NRG3: variants seen among roughly 807,000 people sequenced by gnomAD.
NRG3 encodes the protein neuregulin 3.
In NRG3, 31 loss-of-function variants were observed where a neutral mutation model predicts 66.9. That is an observed-to-expected ratio of 0.46 (90% CI 0.35 to 0.63). NRG3 has a LOEUF of 0.63. Among genes scored for constraint, NRG3 ranks in the 20% least tolerant of loss-of-function variants. The pLI is 0.00. For missense variants in NRG3, 910 were observed against 878.9 expected (o/e 1.04, Z -0.45); for synonymous variants, 393 against 359.4 (o/e 1.09, Z -1.06).
At chr10:82,822,652 G>T (rs1252776375) in intron 3 of NRG3, among the ~76,000 whole-genome samples, 1 of 152,118 alleles carries the variant, frequency 6.6e-6, no homozygotes, top group African/African-American at 2.4e-5. Context: ...GATGTTTAAT[G>T]TGGAATCCAG....
intron 2 of NRG3, among the ~76,000 whole-genome samples, chr10:82,635,981 G>C (rs370933572): frequency 2.6e-5 from 4 of 152,122 alleles, no homozygotes; most frequent in South Asian, 2.1e-4. Context: ...CGTGCGTAGT[G>C]TCAAAGTCCA....
chr10:82,217,627 A>T (rs1346599254), intron 1 of NRG3, among the ~76,000 whole-genome samples: 1 of 152,208 alleles, frequency 6.6e-6, no homozygotes, highest in Non-Finnish European at 1.5e-5. Context: ...CAAGAAAATC[A>T]TGTAAAGTTA....
intron 1 of NRG3, among the ~76,000 whole-genome samples, chr10:81,928,633 T>C (rs1187158355): frequency 6.6e-6 from 1 of 152,156 alleles, no homozygotes; most frequent in African/African-American, 2.4e-5. Context: ...TATGGGTACA[T>C]GGGTACATTC....
chr10:82,080,422 C>T (rs1159084397), intron 1 of NRG3, among the ~76,000 whole-genome samples: 1 of 152,072 alleles, frequency 6.6e-6, no homozygotes, highest in African/African-American at 2.4e-5. Flanking sequence ...AGATAGATTG[C>T]ATTATATGAC....
At chr10:82,361,687 TTCA>T (rs2084151319) in intron 2 of NRG3, among the ~76,000 whole-genome samples, 1 of 152,138 alleles carries the variant, frequency 6.6e-6, no homozygotes, top group Admixed American at 6.6e-5. Context: ...AGAAAAATAC[TTCA>T]TCGTTAGGAA....
chr10:82,113,853 C>T (rs1171591423), intron 1 of NRG3, among the ~76,000 whole-genome samples: 3 of 152,112 alleles, frequency 2.0e-5, no homozygotes, highest in Non-Finnish European at 4.4e-5. Context: ...AAAGTCAAAT[C>T]AACAGATAAT....
chr10:82,735,530 G>A (rs915601335), intron 2 of NRG3, among the ~76,000 whole-genome samples: 1 of 152,150 alleles, frequency 6.6e-6, no homozygotes, highest in African/African-American at 2.4e-5. Context: ...ATGATAGACT[G>A]GATAAAGAAA....
chr10:82,244,707 G>A (rs968088084), intron 1 of NRG3, among the ~76,000 whole-genome samples: 2 of 151,926 alleles, frequency 1.3e-5, no homozygotes, highest in African/African-American at 2.4e-5. Flanking sequence ...GGATGGTTTC[G>A]GGATAACTCA....
intron 2 of NRG3, among the ~76,000 whole-genome samples, chr10:82,602,347 A>G (rs1039515629): frequency 6.6e-6 from 1 of 152,150 alleles, no homozygotes; most frequent in African/African-American, 2.4e-5. Flanking sequence ...AAGGAATAGC[A>G]TAAATTTCTT....
chr10:82,557,820 C>T (rs892683416), intron 2 of NRG3, among the ~76,000 whole-genome samples: 2 of 152,104 alleles, frequency 1.3e-5, no homozygotes, highest in Admixed American at 6.6e-5. Flanking sequence ...GATGAGGACA[C>T]GTAGACTCAG....
chr10:81,892,868 C>T (rs768305858), intron 1 of NRG3, among the ~76,000 whole-genome samples: 8 of 152,136 alleles, frequency 5.3e-5, no homozygotes, highest in Admixed American at 1.3e-4. Context: ...GTGATGGATA[C>T]TCCATTTACC....
chr10:82,407,341 C>T (rs1419246560), intron 2 of NRG3, among the ~76,000 whole-genome samples: 1 of 151,900 alleles, frequency 6.6e-6, no homozygotes, highest in African/African-American at 2.4e-5. Context: ...AATATGTAAA[C>T]CATGGGTGGG....
At chr10:82,431,480 C>G (rs1243634332) in intron 2 of NRG3, among the ~76,000 whole-genome samples, 1 of 152,118 alleles carries the variant, frequency 6.6e-6, no homozygotes, top group African/African-American at 2.4e-5. Context: ...ATTGTTCTAG[C>G]ATTTGTATAA....
chr10:82,870,599 G>A (rs1162136527), intron 4 of NRG3, among the ~76,000 whole-genome samples: 2 of 152,166 alleles, frequency 1.3e-5, no homozygotes, highest in Non-Finnish European at 2.9e-5. Flanking sequence ...ATCATTTGGT[G>A]TTGACAGGGT....
intron 1 of NRG3, among the ~76,000 whole-genome samples, chr10:82,123,185 T>C (rs1418436849): frequency 1.3e-5 from 2 of 152,148 alleles, no homozygotes; most frequent in African/African-American, 2.4e-5. Context: ...TAAACATGGC[T>C]CAGTAATTGA....
chr10:82,371,187 G>T (rs184687031), intron 2 of NRG3, among the ~76,000 whole-genome samples: 1 of 152,064 alleles, frequency 6.6e-6, no homozygotes, highest in African/African-American at 2.4e-5. Context: ...TGGGATTATA[G>T]GGAAACGCAT....
At chr10:82,959,102 C>G in intron 6 of NRG3, 27 bp downstream of exon 6, 2 of 1,554,104 alleles carry the variant, frequency 1.3e-6, no homozygotes, top group Non-Finnish European at 1.7e-6. Context: ...CACACCTCCT[C>G]CTATAGCCTA....
chr10:81,945,817 A>T (rs138958862), intron 1 of NRG3, among the ~76,000 whole-genome samples: 10 of 152,214 alleles, frequency 6.6e-5, no homozygotes, highest in Non-Finnish European at 1.5e-4. Flanking sequence ...GTGTCTTTAT[A>T]TAAAGGAGAA....
intron 1 of NRG3, among the ~76,000 whole-genome samples, chr10:81,972,479 A>G (rs2059966911): frequency 6.6e-6 from 1 of 152,218 alleles, no homozygotes; most frequent in African/African-American, 2.4e-5. Flanking sequence ...AACCAAGTCA[A>G]ATGCCTAGAA....
Sources: allele counts gnomAD v4.1 joint callset (sites outside exome capture counted in the v4.1 genomes callset), GRCh38; gene constraint gnomAD v4.1.1; transcripts MANE v1.5; gene names NCBI Gene and HGNC (gene_info 2026-07-23, HGNC 2026-07-21).